The following CSMD3 variants were observed in gnomAD, a reference collection of about 807,000 sequenced individuals.
CSMD3 encodes the protein CUB and sushi domain-containing protein 3.
A neutral mutation model predicts 435.2 loss-of-function variants in CSMD3; 177 were observed. The ratio of observed to expected loss-of-function variants is 0.41; its 90% CI spans 0.36 to 0.46. The LOEUF (loss-of-function observed/expected upper bound fraction) is 0.46, where lower values mean the gene tolerates loss of function less well. CSMD3 is among the 20% of genes least tolerant of loss of function. CSMD3 has a pLI of 0.34. For missense variants in CSMD3, 4,265 were observed against 4,504.6 expected, an observed-to-expected ratio of 0.95 and a Z score of 1.52; for synonymous variants, 1,656 against 1,520.5, an observed-to-expected ratio of 1.09 and a Z score of -2.07.
chr8:112,812,933 C>A (rs1478908945), intron 12 of CSMD3, among the ~76,000 whole-genome samples: 1 of 152,138 alleles, frequency 6.6e-6, no homozygotes, highest in Non-Finnish European at 1.5e-5. Context: ...TAGCCTTGTG[C>A]AGATGAAAGG....
At chr8:112,688,102 T>C (rs1447942149) in intron 14 of CSMD3, among the ~76,000 whole-genome samples, 2 of 152,150 alleles carry the variant, frequency 1.3e-5, no homozygotes, top group South Asian at 2.1e-4. Flanking sequence ...GCACAATCAG[T>C]AAATGAAAGT....
chr8:113,222,855 G>A (rs1563567479), intron 3 of CSMD3, among the ~76,000 whole-genome samples: 1 of 150,932 alleles, frequency 6.6e-6, no homozygotes. Flanking sequence ...TTTGTTCGAT[G>A]TTAATTCCTT....
At chr8:112,578,822 C>G (rs1830134695) in intron 23 of CSMD3, among the ~76,000 whole-genome samples, 1 of 151,966 alleles carries the variant, frequency 6.6e-6, no homozygotes, top group Non-Finnish European at 1.5e-5. Flanking sequence ...ATGGACATGG[C>G]TTTCTCCCAA....
chr8:113,008,603 T>C (rs1411101497), intron 6 of CSMD3, among the ~76,000 whole-genome samples: 2 of 151,686 alleles, frequency 1.3e-5, no homozygotes, highest in East Asian at 3.9e-4. Context: ...TACTTTTCAT[T>C]ACACACAACT....
At chr8:113,111,864 T>C (rs949741947) in intron 4 of CSMD3, among the ~76,000 whole-genome samples, 2 of 151,792 alleles carry the variant, frequency 1.3e-5, no homozygotes, top group Admixed American at 6.6e-5. Context: ...TATTTTAGTA[T>C]AGACAGGGTT....
At chr8:113,423,142 A>G (rs768236688) in intron 1 of CSMD3, among the ~76,000 whole-genome samples, 1 of 152,026 alleles carries the variant, frequency 6.6e-6, no homozygotes, top group Admixed American at 6.6e-5. Flanking sequence ...TTCGACTGTA[A>G]TTCATCACAT....
intron 27 of CSMD3, among the ~76,000 whole-genome samples, chr8:112,543,502 T>G (rs142548238): frequency 6.6e-5 from 10 of 152,042 alleles, no homozygotes; most frequent in East Asian, 1.9e-4. Flanking sequence ...ATAACTAATC[T>G]TCAAGGAAAT....
chr8:112,520,557 TG>T (rs1436750803), intron 27 of CSMD3, among the ~76,000 whole-genome samples: 3 of 151,992 alleles, frequency 2.0e-5, no homozygotes, highest in East Asian at 3.9e-4. Context: ...CAATTTGAAA[TG>T]GAAAGGCAAG....
chr8:112,423,183 T>A (rs1812702132), intron 32 of CSMD3, among the ~76,000 whole-genome samples: 2 of 152,080 alleles, frequency 1.3e-5, no homozygotes, highest in African/African-American at 4.8e-5. Context: ...ATATCATCCA[T>A]AACCAAAAAG....
At chr8:113,087,692 T>G (rs11991107) in intron 5 of CSMD3, among the ~76,000 whole-genome samples, 96,488 of 146,760 alleles carry the variant, frequency 0.66, 32,898 homozygotes, top group East Asian at 0.95. Context: ...CCTTACACCT[T>G]ATACAAAAAT....
chr8:112,825,480 C>T (rs2079650153), intron 12 of CSMD3, among the ~76,000 whole-genome samples: 1 of 152,132 alleles, frequency 6.6e-6, no homozygotes, highest in Non-Finnish European at 1.5e-5. Flanking sequence ...ATCGTTGTGG[C>T]TGCTGACCCT....
intron 32 of CSMD3, among the ~76,000 whole-genome samples, chr8:112,450,065 G>A (rs924003246): frequency 3.9e-5 from 6 of 152,106 alleles, no homozygotes; most frequent in Admixed American, 3.9e-4. Flanking sequence ...TCATAGTTAA[G>A]AATTATTGAA....
intron 10 of CSMD3, among the ~76,000 whole-genome samples, chr8:112,887,449 T>C (rs1262983770): frequency 6.6e-6 from 1 of 151,562 alleles, no homozygotes; most frequent in Non-Finnish European, 1.5e-5. Context: ...TATATATTAA[T>C]GTAAGTACTA....
rs577265040 is a variant in CSMD3 at position 112,724,188 on chromosome 8, A to T, written c.1973-34138T>A. The stretch of plus-strand genomic sequence containing the variant: ...GCAGCCTTGGAAAATGGCATTTGAG[A>T]TAAGTCATGAAAAAGTTGAAGGGGT... On this transcript the variant is annotated intron_variant, in intron 13 of 70. Coordinates refer to ENST00000297405, the MANE Select transcript of CSMD3 (RefSeq NM_198123.2). Among the ~76,000 whole-genome samples the T allele has an allele frequency of 4.6e-5, 7 of 152,104 alleles. No individual in the cohort carries two copies. In the East Asian group the frequency reaches 9.7e-4, roughly 21 times the overall value.
At chr8:112,271,645 A>T (rs568970420) in intron 59 of CSMD3, among the ~76,000 whole-genome samples, 1 of 152,200 alleles carries the variant, frequency 6.6e-6, no homozygotes, top group Non-Finnish European at 1.5e-5. Flanking sequence ...CTCTCTAAGA[A>T]ACCATTTATT....
intron 32 of CSMD3, among the ~76,000 whole-genome samples, chr8:112,430,706 A>T (rs1813571970): frequency 6.6e-6 from 1 of 152,074 alleles, no homozygotes; most frequent in Non-Finnish European, 1.5e-5. Flanking sequence ...AGCATTAGTA[A>T]GTTTCAGAAT....
chr8:113,049,553 CAT>C (rs1478296154), intron 5 of CSMD3, among the ~76,000 whole-genome samples: 8 of 152,196 alleles, frequency 5.3e-5, no homozygotes, highest in African/African-American at 7.2e-5. Flanking sequence ...GAATAGGAAA[CAT>C]AAAATCACAG....
intron 11 of CSMD3, among the ~76,000 whole-genome samples, chr8:112,833,332 A>T (rs779159113): frequency 5.9e-5 from 9 of 151,712 alleles, no homozygotes; most frequent in Non-Finnish European, 8.8e-5. Flanking sequence ...TATTTTAATA[A>T]TTTTTTTAGT....
chr8:112,249,165 T>C (rs1212678214), intron 63 of CSMD3, among the ~76,000 whole-genome samples: 1 of 152,108 alleles, frequency 6.6e-6, no homozygotes, highest in African/African-American at 2.4e-5. Flanking sequence ...GTTAATAGTG[T>C]CACTTGTCAC....
Sources: allele counts gnomAD v4.1 joint callset (sites outside exome capture counted in the v4.1 genomes callset), GRCh38; gene constraint gnomAD v4.1.1; transcripts MANE v1.5; gene names NCBI Gene and HGNC (gene_info 2026-07-23, HGNC 2026-07-21).